Variants in TAB2 observed in about 807,000 individuals in gnomAD.
The protein encoded by TAB2 is TGF-beta activated kinase 1 (MAP3K7) binding protein 2, also known as TGF-beta-activated kinase 1 and MAP3K7-binding protein 2.
Under a neutral mutation model 65.0 loss-of-function variants are expected in TAB2, and 3 were observed. That is an observed-to-expected ratio of 0.05 (90% CI 0.02 to 0.12). TAB2 has a LOEUF of 0.12. Among genes scored for constraint, TAB2 ranks in the 10% least tolerant of loss-of-function variants. TAB2 has a pLI of 1.00. For missense variants in TAB2, 623 were observed against 840.3 expected (o/e 0.74, Z 3.20); for synonymous variants, 298 against 285.1 (o/e 1.05, Z -0.46).
chr6:149,255,994 A>T, intron 1 of TAB2, among the ~76,000 whole-genome samples: 1 of 152,236 alleles, frequency 6.6e-6, no homozygotes, highest in East Asian at 1.9e-4. Context: ...GGGGCTCAAG[A>T]ATGAGTTAAA....
intron 1 of TAB2, among the ~76,000 whole-genome samples, chr6:149,249,890 A>G (rs993843135): frequency 2.6e-5 from 4 of 152,212 alleles, no homozygotes; most frequent in African/African-American, 9.7e-5. Context: ...TCCTGTACCT[A>G]AAATACAAAC....
intron 1 of TAB2, among the ~76,000 whole-genome samples, chr6:149,359,076 C>T (rs1028243256): frequency 2.0e-5 from 3 of 151,932 alleles, no homozygotes; most frequent in Non-Finnish European, 4.4e-5. Flanking sequence ...TAGCTTCTTT[C>T]AGGTTCTGTT....
At chr6:149,365,561 T>C (rs531378125) in intron 1 of TAB2, among the ~76,000 whole-genome samples, 1 of 152,306 alleles carries the variant, frequency 6.6e-6, no homozygotes, top group Admixed American at 6.5e-5. Flanking sequence ...ATTTTCTTTT[T>C]GGTTTTCAGG....
At chr6:149,258,360 T>G (rs900388710) in intron 1 of TAB2, among the ~76,000 whole-genome samples, 5 of 151,724 alleles carry the variant, frequency 3.3e-5, no homozygotes, top group Non-Finnish European at 7.4e-5. Flanking sequence ...TAGGAAAATA[T>G]AGACACACAA....
chr6:149,344,636 T>G (rs942504310), intron 1 of TAB2, among the ~76,000 whole-genome samples: 1 of 152,144 alleles, frequency 6.6e-6, no homozygotes. Context: ...GTTTGGACTT[T>G]AATAGGCAAT....
At chr6:149,287,982 T>C (rs1778709135) in intron 1 of TAB2, among the ~76,000 whole-genome samples, 1 of 152,224 alleles carries the variant, frequency 6.6e-6, no homozygotes, top group Admixed American at 6.5e-5. Context: ...ATCATAAAAT[T>C]ATGTTAAGCA....
intron 1 of TAB2, among the ~76,000 whole-genome samples, chr6:149,338,443 A>G (rs1779998472): frequency 1.3e-5 from 2 of 152,202 alleles, no homozygotes; most frequent in Admixed American, 1.3e-4. Flanking sequence ...GAGTTGGGTA[A>G]AGGTAAAGAA....
At chr6:149,295,491 T>C (rs1778859283) in intron 1 of TAB2, among the ~76,000 whole-genome samples, 1 of 152,208 alleles carries the variant, frequency 6.6e-6, no homozygotes, top group South Asian at 2.1e-4. Flanking sequence ...GTCCCCTCCT[T>C]CTGGAACTCC....
intron 1 of TAB2, among the ~76,000 whole-genome samples, chr6:149,289,401 A>C (rs961725193): frequency 2.0e-5 from 3 of 151,922 alleles, no homozygotes; most frequent in Non-Finnish European, 2.9e-5. Context: ...CTCTAAAAAA[A>C]AAAAAGGCCA....
intron 1 of TAB2, among the ~76,000 whole-genome samples, chr6:149,223,267 G>C (rs1325926540): frequency 1.3e-5 from 2 of 152,198 alleles, no homozygotes; most frequent in Non-Finnish European, 1.5e-5. Context: ...GGTGGAATTT[G>C]GTTCTCAGAG....
chr6:149,346,234 CCTA>C (rs1562425917), intron 1 of TAB2, among the ~76,000 whole-genome samples: 1 of 152,086 alleles, frequency 6.6e-6, no homozygotes, highest in African/African-American at 2.4e-5. Context: ...TTATCATACT[CCTA>C]GTGCTATTGT....
intron 1 of TAB2, among the ~76,000 whole-genome samples, chr6:149,368,681 T>TG (rs1392042941): frequency 9.0e-6 from 1 of 110,892 alleles, no homozygotes; most frequent in African/African-American, 3.5e-5. Flanking sequence ...GTGTGTGTGT[T>TG]TACACAGAAA....
At position 149,390,718 on chromosome 6, in the gene TAB2, A is replaced by G. The variant is rs142324895; in HGVS notation, c.1604-6886A>G. 4.7e-3 allele frequency among the ~76,000 whole-genome samples: 709 copies of G among 152,300 alleles called. 4 individuals carry two copies. Among genetic ancestry groups the G allele is most frequent in the African/African-American group, 0.016 (680 of 41,572 alleles). On this transcript the variant is annotated intron_variant, in intron 3 of 6. Coordinates refer to ENST00000637181, the MANE Select transcript of TAB2 (RefSeq NM_001292034.3). ...CACTTAGTACTCACTTATTTTTAAC[A>G]ACAACTAAGAGAGAGTTGCATGCTT...
chr6:149,337,770 T>C (rs1246245764), intron 1 of TAB2, among the ~76,000 whole-genome samples: 1 of 152,204 alleles, frequency 6.6e-6, no homozygotes, highest in Admixed American at 6.5e-5. Flanking sequence ...TCTTAATCTC[T>C]TATACTATAC....
intron 1 of TAB2, among the ~76,000 whole-genome samples, chr6:149,254,778 A>G (rs191929961): frequency 4.3e-4 from 65 of 152,356 alleles, no homozygotes; most frequent in Non-Finnish European, 6.5e-4. Context: ...AATAATTTAT[A>G]TATTAATTCA....
At chr6:149,395,298 T>TA (rs1481356282) in intron 3 of TAB2, among the ~76,000 whole-genome samples, 5 of 152,252 alleles carry the variant, frequency 3.3e-5, no homozygotes, top group Admixed American at 3.3e-4. Flanking sequence ...TCTCAACAGA[T>TA]ATGTTTAATT....
At chr6:149,347,384 T>G (rs1780340398) in intron 1 of TAB2, among the ~76,000 whole-genome samples, 1 of 152,228 alleles carries the variant, frequency 6.6e-6, no homozygotes, top group Admixed American at 6.5e-5. Flanking sequence ...TATTAATGTT[T>G]ATTGTTATTC....
intron 1 of TAB2, among the ~76,000 whole-genome samples, chr6:149,355,064 T>C (rs1166373736): frequency 6.6e-6 from 1 of 152,212 alleles, no homozygotes; most frequent in African/African-American, 2.4e-5. Flanking sequence ...CCAAGTGATG[T>C]GTTAACAGAC....
intron 1 of TAB2, among the ~76,000 whole-genome samples, chr6:149,281,759 T>C (rs1188134585): frequency 1.3e-5 from 2 of 151,728 alleles, no homozygotes; most frequent in African/African-American, 2.4e-5. Context: ...AGGAGGAATA[T>C]TGGTGATTAA....
Sources: allele counts gnomAD v4.1 joint callset (sites outside exome capture counted in the v4.1 genomes callset), GRCh38; gene constraint gnomAD v4.1.1; transcripts MANE v1.5; gene names NCBI Gene and HGNC (gene_info 2026-07-23, HGNC 2026-07-21).